The following COBLL1 variants were observed in gnomAD, a reference collection of about 807,000 sequenced individuals.
COBLL1 encodes cordon-bleu WH2 repeat protein like 1, also known as cordon-bleu protein-like 1.
A neutral mutation model predicts 94.8 loss-of-function variants in COBLL1; 50 were observed. The ratio of observed to expected loss-of-function variants is 0.53; its 90% CI spans 0.42 to 0.67. The LOEUF (loss-of-function observed/expected upper bound fraction) is 0.67, where lower values mean the gene tolerates loss of function less well. COBLL1 is among the 30% of genes least tolerant of loss of function. The pLI, the probability that COBLL1 is intolerant of heterozygous loss-of-function variation, is 0.00. For synonymous variants in COBLL1, 448 were observed against 473.8 expected (o/e 0.95, Z 0.71); for missense variants, 1,362 against 1,348.7 (o/e 1.01, Z -0.15).
chr2:164,661,947 C>T (rs902316957), intron 2 of COBLL1, among the ~76,000 whole-genome samples: 8 of 152,136 alleles, frequency 5.3e-5, no homozygotes, highest in African/African-American at 1.9e-4. Context: ...CTTAATTCTG[C>T]TCTTTTGAGC....
intron 13 of COBLL1, chr2:164,687,243 T>A: frequency 2.6e-6 from 1 of 384,332 alleles, no homozygotes; most frequent in Non-Finnish European, 4.6e-6. Context: ...GGAAGTAGAA[T>A]TTATTGGTTA....
In COBLL1 at chr2:164,767,621, G is replaced by A. The variant is rs142083092; in HGVS notation, c.42-23746C>T. ...CTTTGATGTTCTCCTTTTCTACGTA[G>A]ATCAAACATTTCAACACATCTGCAA... On this transcript the variant is annotated intron_variant, in intron 2 of 13. Coordinates refer to ENST00000652658, the MANE Select transcript of COBLL1 (RefSeq NM_001365672.2). Among the ~76,000 whole-genome samples the A allele has an allele frequency of 2.2e-4, 34 of 152,178 alleles. No homozygotes were observed. The East Asian group carries it at 6.4e-3, about 29-fold the overall frequency.
chr2:164,763,161 G>A (rs1181525568), intron 2 of COBLL1, among the ~76,000 whole-genome samples: 1 of 152,138 alleles, frequency 6.6e-6, no homozygotes, highest in Non-Finnish European at 1.5e-5. Context: ...GCCATTTATA[G>A]GAAAAGCTCA....
At chr2:164,719,379 C>T (rs949231399) in intron 7 of COBLL1, among the ~76,000 whole-genome samples, 2 of 152,002 alleles carry the variant, frequency 1.3e-5, no homozygotes, top group Non-Finnish European at 2.9e-5. Flanking sequence ...CTAGGGCTGC[C>T]CTAACAAATT....
rs1042160399 is a variant in COBLL1 at position 164,680,753 on chromosome 2, C to G, written c.*5193G>C. ...AAATATTGTATGGGATATGCTTATACTAAAAAAAAATTTGTTGTTTATCCG... is the reference window on the plus strand; with the variant it reads ...AAATATTGTATGGGATATGCTTATAGTAAAAAAAAATTTGTTGTTTATCCG... On this transcript the variant is annotated 3_prime_UTR_variant, in exon 14 of 14. Transcript: ENST00000652658. 1 of 151,860 alleles carries G rather than the reference C, an allele frequency of 6.6e-6. No individual in the cohort carries two copies. The highest frequency in any genetic ancestry group is 1.5e-5 in the Non-Finnish European group (1 of 67,968). 9.4% of individuals were successfully genotyped at this position (151,860 alleles called of 1,614,324 possible).
chr2:164,730,345 AC>A (rs934471879), intron 3 of COBLL1, among the ~76,000 whole-genome samples: 8 of 151,206 alleles, frequency 5.3e-5, no homozygotes, highest in Admixed American at 1.3e-4. Flanking sequence ...AAAAAAAAAA[AC>A]AATAGCCTGC....
chr2:164,743,618 T>C, intron 3 of COBLL1, 69 bp downstream of exon 3: 1 of 1,205,076 alleles, frequency 8.3e-7, no homozygotes. Flanking sequence ...CATCAAGACG[T>C]ATATCACAGA....
At chr2:164,777,134 A>T (rs1688501151) in intron 2 of COBLL1, among the ~76,000 whole-genome samples, 1 of 152,118 alleles carries the variant, frequency 6.6e-6, no homozygotes, top group African/African-American at 2.4e-5. Context: ...GATCTAATCC[A>T]GAATACCATA....
intron 2 of COBLL1, among the ~76,000 whole-genome samples, chr2:164,807,713 T>G (rs1684246365): frequency 6.6e-6 from 1 of 152,230 alleles, no homozygotes; most frequent in African/African-American, 2.4e-5. Context: ...TTTAGAATAA[T>G]TTAATTATTC....
At position 164,841,349 on chromosome 2, in the gene COBLL1, C is replaced by T; in HGVS notation, c.-50-103G>A. ...GAGCCCGCCCGAGCCGCTCCAGCCC[C>T]GGCCGGCCCGCCTCCCGGGTGCGCT... On this transcript the variant is annotated intron_variant, in intron 1 of 13. Transcript: ENST00000652658. The surrounding 1 kb of genome is among the most constrained non-coding windows in gnomAD (Gnocchi z 5.5). 8.4e-7 allele frequency: 1 copy of T among 1,195,286 alleles called. No individual in the cohort carries two copies. Among genetic ancestry groups the T allele is most frequent in the Non-Finnish European group, 1.0e-6 (1 of 964,692 alleles). The allele number at this position is 1,195,286 out of a possible 1,614,324, so 74.0% of individuals were successfully genotyped here.
chr2:164,700,060 G>C (rs1040836723), intron 10 of COBLL1, among the ~76,000 whole-genome samples: 12 of 152,026 alleles, frequency 7.9e-5, no homozygotes, highest in Non-Finnish European at 1.5e-5. Context: ...TCTGTTTCTA[G>C]AATAAAGCAG....
intron 13 of COBLL1, among the ~76,000 whole-genome samples, chr2:164,691,003 A>G (rs1447289684): frequency 1.3e-5 from 2 of 152,204 alleles, no homozygotes; most frequent in African/African-American, 4.8e-5. Flanking sequence ...CCAAATTGTT[A>G]TGCTGCCTGG....
rs1249009571 is a variant in COBLL1 at position 164,686,023 on chromosome 2, GAATGGT to G, written c.3304_3309del (p.Thr1102_Ile1103del). ...CCATTCACAGATATTGTATTTGATG[GAATGGT>G]AACCTAAGAGAAAGAAACACACTTT... On this transcript the variant is annotated inframe_deletion, in exon 14 of 14. Transcript: ENST00000652658. The G allele has an allele frequency of 2.5e-6, 4 of 1,591,494 alleles. No individual in the cohort carries two copies. Among genetic ancestry groups the G allele is most frequent in the Non-Finnish European group, 3.4e-6 (4 of 1,163,694 alleles).
chr2:164,769,472 T>C (rs1378515626), intron 2 of COBLL1, among the ~76,000 whole-genome samples: 1 of 152,206 alleles, frequency 6.6e-6, no homozygotes, highest in African/African-American at 2.4e-5. Context: ...TCATTTTATA[T>C]ATATTATCCC....
intron 2 of COBLL1, among the ~76,000 whole-genome samples, chr2:164,822,511 A>C (rs1685214189): frequency 6.6e-6 from 1 of 152,096 alleles, no homozygotes; most frequent in Non-Finnish European, 1.5e-5. Context: ...CTTGCAATCC[A>C]CTGCCCCTGA....
chr2:164,840,234 T>C (rs1683523358), intron 2 of COBLL1, among the ~76,000 whole-genome samples: 1 of 151,538 alleles, frequency 6.6e-6, no homozygotes, highest in African/African-American at 2.4e-5. Context: ...CATTAGGGCA[T>C]TTCTGCATTC....
intron 1 of COBLL1, among the ~76,000 whole-genome samples, chr2:164,672,408 G>C (rs1691254950): frequency 6.6e-6 from 1 of 152,114 alleles, no homozygotes; most frequent in African/African-American, 2.4e-5. Context: ...CCTTAAAAAT[G>C]ACTTTGTAGG....
At position 164,704,452 on chromosome 2, in the gene COBLL1, G is replaced by C. The variant is rs979987354; in HGVS notation, c.1217C>G (p.Ser406Cys). 3 of 1,609,166 alleles carry C rather than the reference G, an allele frequency of 1.9e-6. No homozygotes were observed. Among genetic ancestry groups the C allele is most frequent in the South Asian group, 2.2e-5 (2 of 90,976 alleles). ...GAATAAGGGTGTCATACCTGGGCTG[G>C]ATAGCTCCTCAGGAGAGTTTGCTTC... ...ASEANSPEEL[S>C]SPAGISSDYS... The change falls in exon 9 of 14, where the codon TCC becomes TGC. Residue 406 changes from serine to cysteine, a missense_variant. Physicochemically the swap from Ser to Cys is moderately radical, Grantham distance 112 (BLOSUM62 -1). Transcript: ENST00000652658.
intron 2 of COBLL1, among the ~76,000 whole-genome samples, chr2:164,827,282 G>A (rs1158479625): frequency 6.6e-6 from 1 of 152,004 alleles, no homozygotes; most frequent in Non-Finnish European, 1.5e-5. Context: ...GGTAAATTCT[G>A]GCTTAGAATT....
Sources: allele counts gnomAD v4.1 joint callset (sites outside exome capture counted in the v4.1 genomes callset), GRCh38; gene constraint gnomAD v4.1.1; non-coding constraint Gnocchi (gnomAD v3.1); transcripts MANE v1.5; gene names NCBI Gene and HGNC (gene_info 2026-07-23, HGNC 2026-07-21).